The following TFAP2E variants were observed in gnomAD, a reference collection of about 807,000 sequenced individuals.
The protein encoded by TFAP2E is transcription factor AP-2 epsilon, also known as transcription factor AP-2-epsilon.
A neutral mutation model predicts 37.9 loss-of-function variants in TFAP2E; 30 were observed. The ratio of observed to expected loss-of-function variants is 0.79; its 90% CI spans 0.59 to 1.07. TFAP2E has a LOEUF of 1.07. TFAP2E is among the 50% of genes least tolerant of loss of function. The pLI is 0.00. For missense variants in TFAP2E, 567 were observed against 637.9 expected, an observed-to-expected ratio of 0.89 and a Z score of 1.20; for synonymous variants, 318 against 295.8, an observed-to-expected ratio of 1.08 and a Z score of -0.77.
intron 3 of TFAP2E, among the ~76,000 whole-genome samples, chr1:35,587,440 C>A (rs1039182142): frequency 6.6e-5 from 10 of 151,880 alleles, no homozygotes; most frequent in African/African-American, 1.9e-4. Context: ...GAGTTTGAGA[C>A]CAGCCTGGCC....
intron 3 of TFAP2E, among the ~76,000 whole-genome samples, chr1:35,578,667 T>C (rs1007220539): frequency 1.3e-5 from 2 of 152,058 alleles, no homozygotes; most frequent in African/African-American, 4.8e-5. Flanking sequence ...TCTTTGGCCC[T>C]GGAGAAGGAG....
chr1:35,578,428 GA>G (rs58170344), intron 3 of TFAP2E, among the ~76,000 whole-genome samples: 205 of 132,130 alleles, frequency 1.6e-3, no homozygotes, highest in Middle Eastern at 3.9e-3. Flanking sequence ...CTCCGTCTCG[GA>G]AAAAAAAAAA....
At chr1:35,579,982 G>A (rs1409106444) in intron 3 of TFAP2E, among the ~76,000 whole-genome samples, 1 of 152,038 alleles carries the variant, frequency 6.6e-6, no homozygotes, top group Non-Finnish European at 1.5e-5. Flanking sequence ...CGAGGCAGGT[G>A]GATTACCTGA....
chr1:35,590,025 C>T lies in TFAP2E; in HGVS notation c.881C>T (p.Thr294Met), dbSNP rs750841962. The stretch of plus-strand genomic sequence containing the variant: ...GGCCGTCGCAAGGCCGCCAATGTGA[C>T]GCTGCTGACTTCGCTAGTGGAAGGT... ...PAGRRKAANV[T>M]LLTSLVEGEA... The change falls in exon 5 of 7, where the codon ACG (threonine) becomes ATG (methionine). Residue 294 changes from threonine (T) to methionine (M), a missense_variant. Physicochemically the swap from Thr to Met is moderately conservative, Grantham distance 81. Around this residue, in one of 3 missense-constraint regions of TFAP2E, gnomAD observed 252 missense variants for 302.6 expected, o/e 0.83. Coordinates refer to ENST00000373235, the MANE Select transcript of TFAP2E (RefSeq NM_178548.4). This position sits in a 1 kb window ranked among gnomAD's most constrained non-coding sequence, Gnocchi z 6.2. 2.2e-5 allele frequency: 36 copies of T among 1,613,894 alleles called. No homozygotes were observed. The Admixed American group carries it at 5.3e-4, about 24-fold the overall frequency.
chr1:35,574,103 G>A lies in TFAP2E; in HGVS notation c.204G>A (p.Gln68=), dbSNP rs1324761798. 1 of 1,467,074 alleles carries A rather than the reference G, an allele frequency of 6.8e-7. No individual in the cohort carries two copies. The highest frequency in any genetic ancestry group is 2.2e-5 in the Admixed American group (1 of 44,822). The allele number at this position is 1,467,074 out of a possible 1,614,324, so 90.9% of individuals were successfully genotyped here. A position where few individuals can be genotyped will look rare whatever the true frequency, so the allele number is the denominator to read the frequency against. ...CGCAGCCACCGCTGCCCTACGGTCA[G>A]GCGCCCGACGCCGCCGCAGCCTTTC... ...PYPQPPLPYG[Q]APDAAAAFPH... The change falls in exon 2 of 7, where the codon CAG becomes CAA. Residue 68 remains glutamine (Q), a synonymous_variant. Coordinates refer to ENST00000373235, the MANE Select transcript of TFAP2E (RefSeq NM_178548.4).
intron 6 of TFAP2E, among the ~76,000 whole-genome samples, 159 bp from the exon 7 acceptor site, chr1:35,594,235 G>C (rs569893891): frequency 1.3e-5 from 2 of 152,332 alleles, no homozygotes; most frequent in East Asian, 3.9e-4. Flanking sequence ...CTGAACCTTA[G>C]TTTCCTTTTC....
chr1:35,577,823 C>G lies in TFAP2E; in HGVS notation c.562+2823C>G. On this transcript the variant is annotated intron_variant, in intron 3 of 6. Transcript: ENST00000373235. This position sits in a 1 kb window ranked among gnomAD's most constrained non-coding sequence, Gnocchi z 6.3. ...GGCGCTTTACCACACACTTCCGGGT[C>G]CCATGCCAGTTGCATCCGCGGTATT... is the stretch of plus-strand genomic sequence containing the variant. 1 of 210,032 alleles carries G rather than the reference C, an allele frequency of 4.8e-6. No homozygotes were observed. The allele number at this position is 210,032 out of a possible 1,614,324, so 13.0% of individuals were successfully genotyped here.
At position 35,574,211 on chromosome 1, in the gene TFAP2E, C is replaced by T. The variant is rs1262378098; in HGVS notation, c.312C>T (p.Arg104=). 1 of 1,240,684 alleles carries T rather than the reference C, an allele frequency of 8.1e-7. No individual in the cohort carries two copies. Among genetic ancestry groups the T allele is most frequent in the Non-Finnish European group, 1.0e-6 (1 of 989,804 alleles). The allele number at this position is 1,240,684 out of a possible 1,614,324, so 76.9% of individuals were successfully genotyped here. ...CTCAGGCCGCCTGGGCCGCGCCCCG[C>T]GCAGCCGCCCGCGCCCACGAGGAGC... The part of the protein sequence containing the change: ...QPPQAAWAAP[R]AAARAHEEPP... Residue 104 remains arginine (R), a synonymous_variant, in exon 2 of 7, where the codon CGC becomes CGT. Coordinates refer to ENST00000373235, the MANE Select transcript of TFAP2E (RefSeq NM_178548.4).
At chr1:35,576,438 GAAGA>G (rs1454044684) in intron 3 of TFAP2E, among the ~76,000 whole-genome samples, 3 of 152,182 alleles carry the variant, frequency 2.0e-5, no homozygotes, top group African/African-American at 7.2e-5. Flanking sequence ...CTTGACCCCT[GAAGA>G]AAGAGATCCG....
intron 3 of TFAP2E, among the ~76,000 whole-genome samples, chr1:35,581,924 G>A (rs1436926301): frequency 6.6e-6 from 1 of 151,426 alleles, no homozygotes; most frequent in East Asian, 1.9e-4. Flanking sequence ...CACCCAGGCT[G>A]GAGTGCAGTG....
chr1:35,588,712 C>T lies in TFAP2E; in HGVS notation c.785+160C>T, dbSNP rs1381547798. ...CTCTGGATTGTGCATGTTGTGGGGG[C>T]CGGCCCAGGTCCCTGGTGGCTGCCA... On this transcript the variant is annotated intron_variant, in intron 4 of 6. Coordinates refer to ENST00000373235, the MANE Select transcript of TFAP2E (RefSeq NM_178548.4). This position sits in a 1 kb window ranked among gnomAD's most constrained non-coding sequence, Gnocchi z 5.1. 6.6e-6 allele frequency among the ~76,000 whole-genome samples: 1 copy of T among 152,130 alleles called. No individual in the cohort carries two copies. The highest frequency in any genetic ancestry group is 6.5e-5 in the Admixed American group (1 of 15,284).
intron 3 of TFAP2E, among the ~76,000 whole-genome samples, chr1:35,580,458 C>T (rs1380849757): frequency 6.6e-6 from 1 of 151,920 alleles, no homozygotes; most frequent in Non-Finnish European, 1.5e-5. Flanking sequence ...CCAGGGGGTG[C>T]TTGTTAAAAA....
intron 4 of TFAP2E, among the ~76,000 whole-genome samples, chr1:35,589,544 CTG>C (rs1177585089): frequency 6.6e-6 from 1 of 151,692 alleles, no homozygotes; most frequent in Non-Finnish European, 1.5e-5. Context: ...GTGTGTGTAC[CTG>C]TGTCTCCCCA....
At chr1:35,579,254 G>GC (rs1269884187) in intron 3 of TFAP2E, among the ~76,000 whole-genome samples, 2 of 150,632 alleles carry the variant, frequency 1.3e-5, no homozygotes, top group African/African-American at 4.9e-5. Context: ...AAATTAGCTG[G>GC]GTGGGGTGGC....
intron 3 of TFAP2E, among the ~76,000 whole-genome samples, chr1:35,585,504 G>A (rs1023722188): frequency 2.0e-5 from 3 of 152,100 alleles, no homozygotes; most frequent in Admixed American, 6.6e-5. Flanking sequence ...CTATAGCCAC[G>A]AGTGGCTCTT....
At position 35,573,402 on chromosome 1, in the gene TFAP2E, C is replaced by A; in HGVS notation, c.-176C>A. On this transcript the variant is annotated 5_prime_UTR_variant, in exon 1 of 7. Coordinates refer to ENST00000373235, the MANE Select transcript of TFAP2E (RefSeq NM_178548.4). The surrounding 1 kb of genome is among the most constrained non-coding windows in gnomAD (Gnocchi z 5.9). ...TCCGTCCTGCCTCCATGGACCCGCC[C>A]GGGAACGGCCACCGCTGAGGACCCC... 3.7e-6 allele frequency: 3 copies of A among 803,164 alleles called. No individual in the cohort carries two copies. The highest frequency in any genetic ancestry group is 5.3e-6 in the Non-Finnish European group (3 of 564,552). 49.8% of individuals were successfully genotyped at this position (803,164 alleles called of 1,614,324 possible).
At chr1:35,587,021 T>C (rs1456025650) in intron 3 of TFAP2E, among the ~76,000 whole-genome samples, 1 of 152,210 alleles carries the variant, frequency 6.6e-6, no homozygotes, top group African/African-American at 2.4e-5. Context: ...TCTCCTCATC[T>C]GTAAAATGGG....
In TFAP2E at chr1:35,575,808, C is replaced by T. The variant is rs147690646; in HGVS notation, c.562+808C>T. On this transcript the variant is annotated intron_variant, in intron 3 of 6. Coordinates refer to ENST00000373235, the MANE Select transcript of TFAP2E (RefSeq NM_178548.4). ...TGGTATCTGAGGATTTCCAAGCATG[C>T]GCGGGCCCTCTCTGTGTATATATAG... Among the ~76,000 whole-genome samples, 686 of 152,252 alleles carry T rather than the reference C, an allele frequency of 4.5e-3. 4 individuals are homozygous for T. Among genetic ancestry groups the T allele is most frequent in the African/African-American group, 0.015 (636 of 41,540 alleles).
intron 3 of TFAP2E, among the ~76,000 whole-genome samples, chr1:35,582,252 T>C (rs1649370169): frequency 6.6e-6 from 1 of 152,200 alleles, no homozygotes. Context: ...TGACTAATAA[T>C]GTTAAGAACT....
Sources: gnomAD v4.1 joint callset for allele counts (sites outside exome capture counted in the v4.1 genomes callset) on GRCh38, gnomAD v4.1.1 for gene constraint, gnomAD v4.1.1 regional missense constraint, Gnocchi (gnomAD v3.1) non-coding constraint, MANE v1.5 for transcripts, NCBI Gene and HGNC (gene_info 2026-07-23, HGNC 2026-07-21) for gene names.